The following TPH2 variants were observed in gnomAD, a reference collection of about 807,000 sequenced individuals.
The protein encoded by TPH2 is tryptophan 5-hydroxylase 2.
In TPH2, 27 loss-of-function variants were observed where a neutral mutation model predicts 59.1. That is an observed-to-expected ratio of 0.46 (90% confidence interval 0.34 to 0.63). TPH2 has a LOEUF of 0.63. Among genes scored for constraint, TPH2 ranks in the 30% least tolerant of loss-of-function variants. The pLI is 0.01. For synonymous variants in TPH2, 220 were observed against 210.5 expected (o/e 1.05, Z -0.39); for missense variants, 523 against 588.3 (o/e 0.89, Z 1.15).
chr12:72,016,060 A>G (rs910346973), intron 8 of TPH2, among the ~76,000 whole-genome samples: 45 of 152,334 alleles, frequency 3.0e-4, no homozygotes, highest in African/African-American at 8.7e-4. Context: ...AAACTTGTGC[A>G]TGATTCCTAG....
intron 8 of TPH2, among the ~76,000 whole-genome samples, chr12:72,001,521 G>T (rs530368234): frequency 1.3e-5 from 2 of 151,832 alleles, no homozygotes; most frequent in Non-Finnish European, 1.5e-5. Flanking sequence ...CGCCTCCCAG[G>T]TTCAGGTGAT....
At chr12:72,029,851 C>T (rs1744755431) in intron 9 of TPH2, among the ~76,000 whole-genome samples, 1 of 152,138 alleles carries the variant, frequency 6.6e-6, no homozygotes, top group Admixed American at 6.6e-5. Flanking sequence ...CAGACTTCTT[C>T]ATGGAGGGCT....
chr12:71,981,538 G>A, intron 7 of TPH2, among the ~76,000 whole-genome samples: 1 of 152,108 alleles, frequency 6.6e-6, no homozygotes, highest in Non-Finnish European at 1.5e-5. Context: ...GTACAAGAGG[G>A]CACCTATTTA....
chr12:72,007,410 C>A lies in TPH2; in HGVS notation c.1068+12845C>A, dbSNP rs189648310. On this transcript the variant is annotated intron_variant, in intron 8 of 10. Coordinates refer to ENST00000333850, the MANE Select transcript of TPH2 (RefSeq NM_173353.4). The stretch of plus-strand genomic sequence containing the variant: ...TGTTCATAAATACATGCAGCCTTCC[C>A]TGAATAACTAAATAAAGCAATAAAT... Among the ~76,000 whole-genome samples, 6 of 152,284 alleles carry A rather than the reference C, an allele frequency of 3.9e-5. No individual in the cohort carries two copies. The East Asian group carries it at 1.2e-3, about 29-fold the overall frequency.
chr12:71,997,820 C>A (rs1287839271), intron 8 of TPH2, among the ~76,000 whole-genome samples: 1 of 152,066 alleles, frequency 6.6e-6, no homozygotes, highest in African/African-American at 2.4e-5. Context: ...CCCCAAAATA[C>A]AAAAAACCCA....
chr12:72,014,393 T>C (rs1368276703), intron 8 of TPH2, among the ~76,000 whole-genome samples: 2 of 105,574 alleles, frequency 1.9e-5, no homozygotes. Flanking sequence ...TTTTCTTTTT[T>C]TCTTTTTTTT....
At chr12:71,956,609 CTCCTT>C (rs958478259) in intron 5 of TPH2, among the ~76,000 whole-genome samples, 21 of 149,452 alleles carry the variant, frequency 1.4e-4, no homozygotes, top group African/African-American at 4.9e-4. Flanking sequence ...CCCTCTTTCT[CTCCTT>C]CCTTCCTTTT....
At chr12:72,029,314 T>C (rs1261231766) in intron 9 of TPH2, among the ~76,000 whole-genome samples, 2 of 152,102 alleles carry the variant, frequency 1.3e-5, no homozygotes, top group Non-Finnish European at 2.9e-5. Flanking sequence ...GATGAGAGAG[T>C]AGGAAGACTA....
chr12:72,015,972 A>T (rs980475245), intron 8 of TPH2, among the ~76,000 whole-genome samples: 1 of 152,212 alleles, frequency 6.6e-6, no homozygotes, highest in Non-Finnish European at 1.5e-5. Context: ...TGGCTGTGCC[A>T]GTGTGACTGA....
At chr12:72,005,123 A>G (rs938592113) in intron 8 of TPH2, among the ~76,000 whole-genome samples, 2 of 152,170 alleles carry the variant, frequency 1.3e-5, no homozygotes, top group African/African-American at 2.4e-5. Context: ...CTCCTAGAAA[A>G]TGGAAATGCT....
chr12:71,961,605 G>C (rs1871684121), intron 5 of TPH2: 1 of 1,351,966 alleles, frequency 7.4e-7, no homozygotes, highest in South Asian at 1.1e-5. Context: ...GCTCTTTTCT[G>C]TATCAAGTTC....
chr12:71,950,981 A>G (rs1871329145), intron 5 of TPH2, among the ~76,000 whole-genome samples: 1 of 152,056 alleles, frequency 6.6e-6, no homozygotes, highest in Admixed American at 6.5e-5. Context: ...ATTTAGGAAA[A>G]CAATGTTCTT....
intron 8 of TPH2, among the ~76,000 whole-genome samples, chr12:71,999,021 A>G (rs1048548008): frequency 6.6e-6 from 1 of 152,228 alleles, no homozygotes; most frequent in Non-Finnish European, 1.5e-5. Flanking sequence ...GCAGACATGT[A>G]ATAACTTTCT....
At chr12:72,020,792 C>T (rs561685262) in intron 8 of TPH2, among the ~76,000 whole-genome samples, 2 of 152,094 alleles carry the variant, frequency 1.3e-5, no homozygotes, top group East Asian at 1.9e-4. Flanking sequence ...CAGTCTAGGG[C>T]TGTAATTTTA....
chr12:71,957,349 T>TTTA, intron 5 of TPH2, among the ~76,000 whole-genome samples: 1 of 148,498 alleles, frequency 6.7e-6, no homozygotes, highest in East Asian at 2.0e-4. Flanking sequence ...TTTTTTTTTT[T>TTTA]TTGTGAGACA....
chr12:71,942,588 T>C (rs1234287238), intron 2 of TPH2, among the ~76,000 whole-genome samples: 1 of 152,194 alleles, frequency 6.6e-6, no homozygotes, highest in Non-Finnish European at 1.5e-5. Flanking sequence ...AAACACTAGC[T>C]GCTACTTAGG....
At chr12:72,019,050 T>C (rs1873339317) in intron 8 of TPH2, among the ~76,000 whole-genome samples, 1 of 152,218 alleles carries the variant, frequency 6.6e-6, no homozygotes, top group Non-Finnish European at 1.5e-5. Context: ...TATGATTACT[T>C]CCCTTCATTG....
chr12:72,010,778 A>G (rs1167750410), intron 8 of TPH2, among the ~76,000 whole-genome samples: 1 of 152,240 alleles, frequency 6.6e-6, no homozygotes, highest in Non-Finnish European at 1.5e-5. Context: ...TAAAAACCTC[A>G]TTTTTCATAC....
intron 8 of TPH2, among the ~76,000 whole-genome samples, chr12:72,017,633 C>T (rs1000099492): frequency 6.6e-6 from 1 of 152,108 alleles, no homozygotes; most frequent in Non-Finnish European, 1.5e-5. Flanking sequence ...TTTTCTTTTA[C>T]AGGTGTTCTT....
Sources: allele counts gnomAD v4.1 joint callset (sites outside exome capture counted in the v4.1 genomes callset), GRCh38; gene constraint gnomAD v4.1.1; transcripts MANE v1.5; gene names NCBI Gene and HGNC (gene_info 2026-07-23, HGNC 2026-07-21).